SPTB: variants seen among roughly 807,000 people sequenced by gnomAD.
SPTB encodes spectrin beta chain, erythrocytic.
In SPTB, 45 loss-of-function variants were observed where a neutral mutation model predicts 256.2. The observed-to-expected ratio is 0.18, with a 90% confidence interval of 0.14 to 0.23. The LOEUF (loss-of-function observed/expected upper bound fraction) is 0.23, where lower values mean the gene tolerates loss of function less well. Ranked by LOEUF, SPTB falls within the 10% of genes least tolerant of loss-of-function variation. The pLI, the probability that SPTB is intolerant of heterozygous loss-of-function variation, is 1.00. For missense variants in SPTB, 2,715 were observed against 3,040.4 expected (o/e 0.89, Z 2.52); for synonymous variants, 1,231 against 1,243.1 (o/e 0.99, Z 0.21).
chr14:64,849,357 G>A (rs1284684448), intron 1 of SPTB, among the ~76,000 whole-genome samples: 1 of 152,190 alleles, frequency 6.6e-6, no homozygotes, highest in Non-Finnish European at 1.5e-5. Flanking sequence ...GGTTAGCCCT[G>A]TTACTCTATT....
intron 2 of SPTB, among the ~76,000 whole-genome samples, chr14:64,810,102 T>C (rs138384065): frequency 2.6e-5 from 4 of 152,336 alleles, no homozygotes; most frequent in East Asian, 1.9e-4. Flanking sequence ...TCCAGATGTT[T>C]TGTCTATCAA....
intron 1 of SPTB, among the ~76,000 whole-genome samples, chr14:64,870,525 A>G (rs1389641538): frequency 6.6e-6 from 1 of 152,228 alleles, no homozygotes; most frequent in Non-Finnish European, 1.5e-5. Flanking sequence ...CTGTCCTCTA[A>G]AAGTCTACAA....
intron 1 of SPTB, among the ~76,000 whole-genome samples, chr14:64,868,676 C>T (rs1405345543): frequency 6.6e-6 from 1 of 152,136 alleles, no homozygotes; most frequent in Non-Finnish European, 1.5e-5. Flanking sequence ...GTCACAGAAG[C>T]CCAGAGAGGG....
In SPTB at chr14:64,803,534, C is replaced by T. The variant is rs910236065; in HGVS notation, c.474+73G>A. On this transcript the variant is annotated intron_variant, in intron 4 of 35. Coordinates refer to ENST00000644917, the MANE Select transcript of SPTB (RefSeq NM_001355436.2). ...GCACTAACACCCACACTCTGTTCAGCATTTTATAAGATTCTAAGGCCCTGG... is the reference window on the plus strand; with the variant it reads ...GCACTAACACCCACACTCTGTTCAGTATTTTATAAGATTCTAAGGCCCTGG... 20 of 1,586,602 alleles carry T rather than the reference C, an allele frequency of 1.3e-5. No homozygotes were observed. In the Admixed American group the frequency reaches 3.3e-4, roughly 26 times the overall value.
In SPTB at chr14:64,795,543, C is replaced by T. The variant is rs754692333; in HGVS notation, c.1438G>A (p.Ala480Thr). Residue 480 changes from alanine to threonine, a missense_variant, in exon 12 of 36, where the codon GCC becomes ACC. This residue lies in a region of SPTB where 416 missense variants were observed against 571.1 expected (regional missense o/e 0.73). Transcript: ENST00000644917. This position sits in a 1 kb window ranked among gnomAD's most constrained non-coding sequence, Gnocchi z 6.5. ...AGCTCCTGAGCCAGGTCCTCCAGGG[C>T]TCTCACCCGCTCCTCGTAGGCAGCC... ...DTAAYEERVRALEDLAQELEK... is the reference protein window; with the variant it reads ...DTAAYEERVRTLEDLAQELEK... 2 of 1,614,078 alleles carry T rather than the reference C, an allele frequency of 1.2e-6. No homozygotes were observed. Among genetic ancestry groups the T allele is most frequent in the South Asian group, 2.2e-5 (2 of 91,074 alleles).
intron 1 of SPTB, among the ~76,000 whole-genome samples, chr14:64,839,399 T>G (rs2083572227): frequency 6.6e-6 from 1 of 152,006 alleles, no homozygotes; most frequent in Non-Finnish European, 1.5e-5. Context: ...AGGAAATAAA[T>G]CAGTGGTTGC....
chr14:64,814,194 A>G (rs544293417), intron 2 of SPTB, among the ~76,000 whole-genome samples: 1 of 152,352 alleles, frequency 6.6e-6, no homozygotes, highest in Non-Finnish European at 1.5e-5. Context: ...CTATAGTCCC[A>G]GCTACTTGGG....
intron 1 of SPTB, among the ~76,000 whole-genome samples, chr14:64,829,466 C>T (rs1344773331): frequency 6.6e-6 from 1 of 152,098 alleles, no homozygotes; most frequent in Non-Finnish European, 1.5e-5. Flanking sequence ...GAATTACAGA[C>T]TCAATATTGA....
In SPTB at chr14:64,855,417, A is replaced by G. The variant is rs188623189; in HGVS notation, c.-52+24375T>C. On this transcript the variant is annotated intron_variant, in intron 1 of 35. Coordinates refer to ENST00000644917, the MANE Select transcript of SPTB (RefSeq NM_001355436.2). Reference sequence around the variant, plus strand: ...TTATTCTTTATGGCTTGGGGAAATGAAAAAAGAGAAACCGTATTAGATAAA... The same window carrying G: ...TTATTCTTTATGGCTTGGGGAAATGGAAAAAGAGAAACCGTATTAGATAAA... Among the ~76,000 whole-genome samples the G allele has an allele frequency of 5.9e-5, 9 of 152,330 alleles. No homozygotes were observed. In the East Asian group the frequency reaches 1.7e-3, roughly 29 times the overall value.
In SPTB at chr14:64,772,822, A is replaced by G. The variant is rs953620091; in HGVS notation, c.5311T>C (p.Trp1771Arg). 8.1e-6 allele frequency: 13 copies of G among 1,613,540 alleles called. No homozygotes were observed. The highest frequency in any genetic ancestry group is 1.1e-5 in the Non-Finnish European group (13 of 1,179,956). Residue 1771 changes from tryptophan to arginine, a missense_variant, in exon 26 of 36, where the codon TGG (tryptophan) becomes CGG (arginine). Physicochemically the swap from Trp to Arg is moderately radical, Grantham distance 101. Coordinates refer to ENST00000644917, the MANE Select transcript of SPTB (RefSeq NM_001355436.2). This position sits in a 1 kb window ranked among gnomAD's most constrained non-coding sequence, Gnocchi z 5.4. ...CACATCTCGTTCAGCCCGTCCTTCCACTCGGCGATGGTGGCCGCCTCGCTG... is the reference window on the plus strand; with the variant it reads ...CACATCTCGTTCAGCCCGTCCTTCCGCTCGGCGATGGTGGCCGCCTCGCTG... ...GHSEAATIAE[W>R]KDGLNEMWAD...
At chr14:64,828,049 C>T (rs924310858) in intron 1 of SPTB, among the ~76,000 whole-genome samples, 1 of 152,212 alleles carries the variant, frequency 6.6e-6, no homozygotes, top group Non-Finnish European at 1.5e-5. Context: ...GCTATTAGTG[C>T]ATCACTGATG....
chr14:64,791,283 T>C (rs891303654), intron 15 of SPTB, among the ~76,000 whole-genome samples: 11 of 152,038 alleles, frequency 7.2e-5, no homozygotes, highest in African/African-American at 2.4e-4. Flanking sequence ...GACAGGAATG[T>C]CGGTGGGGGC....
intron 26 of SPTB, among the ~76,000 whole-genome samples, chr14:64,771,608 T>A (rs1334991514): frequency 1.3e-5 from 2 of 152,110 alleles, no homozygotes; most frequent in Non-Finnish European, 2.9e-5. Context: ...GAGTCCCCGT[T>A]CTTAACCATT....
At position 64,791,733 on chromosome 14, in the gene SPTB, G is replaced by A. The variant is rs748700070; in HGVS notation, c.2790C>T (p.Asp930=). ...CCACACCCCACCTGGTGTTCAGATG[G>A]TCCTGGTACTGCTTCACCTCCCTGC... ...PRSREVKQYQ[D]HLNTRWQAFQ... is the part of the protein sequence containing the mutation. Residue 930 remains aspartate, a synonymous_variant, in exon 15 of 36, where the codon GAC becomes GAT. Transcript: ENST00000644917. 1 of 1,614,124 alleles carries A rather than the reference G, an allele frequency of 6.2e-7. No individual in the cohort carries two copies. Among genetic ancestry groups the A allele is most frequent in the South Asian group, 1.1e-5 (1 of 91,078 alleles).
At position 64,826,853 on chromosome 14, in the gene SPTB, T is replaced by C. The variant is rs2083384397; in HGVS notation, c.-51-3708A>G. On this transcript the variant is annotated intron_variant, in intron 1 of 35. Transcript: ENST00000644917. The surrounding 1 kb of genome is among the most constrained non-coding windows in gnomAD (Gnocchi z 4.4). ...TTCTGCCACCACCGACCCCAGGCTATATTTTGAGTAGGATGGGACCTGAGA... is the reference window on the plus strand; with the variant it reads ...TTCTGCCACCACCGACCCCAGGCTACATTTTGAGTAGGATGGGACCTGAGA... Among the ~76,000 whole-genome samples, 1 of 152,116 alleles carries C rather than the reference T, an allele frequency of 6.6e-6. No individual in the cohort carries two copies. Among genetic ancestry groups the C allele is most frequent in the Non-Finnish European group, 1.5e-5 (1 of 68,024 alleles).
At chr14:64,861,778 G>A (rs1016361971) in intron 1 of SPTB, among the ~76,000 whole-genome samples, 1 of 152,128 alleles carries the variant, frequency 6.6e-6, no homozygotes, top group African/African-American at 2.4e-5. Context: ...ATGCCTCCAC[G>A]AAAATTGCTT....
intron 1 of SPTB, among the ~76,000 whole-genome samples, chr14:64,836,800 G>T (rs539636852): frequency 6.6e-6 from 1 of 152,320 alleles, no homozygotes; most frequent in East Asian, 1.9e-4. Context: ...CATGTTAATT[G>T]GATGGAACAG....
chr14:64,838,742 A>G (rs746070580), intron 1 of SPTB, among the ~76,000 whole-genome samples: 1 of 152,202 alleles, frequency 6.6e-6, no homozygotes, highest in Non-Finnish European at 1.5e-5. Context: ...GCAGTTTCTT[A>G]TAAAATTAAA....
intron 1 of SPTB, among the ~76,000 whole-genome samples, chr14:64,857,340 T>C (rs1323665715): frequency 6.6e-6 from 1 of 152,044 alleles, no homozygotes; most frequent in Non-Finnish European, 1.5e-5. Context: ...CCTGACACTT[T>C]GGGAGGCCGA....
Sources: allele counts gnomAD v4.1 joint callset (sites outside exome capture counted in the v4.1 genomes callset), GRCh38; gene constraint gnomAD v4.1.1; regional missense constraint gnomAD v4.1.1; non-coding constraint Gnocchi (gnomAD v3.1); transcripts MANE v1.5; gene names NCBI Gene and HGNC (gene_info 2026-07-23, HGNC 2026-07-21).